The following E2F4 variants were observed in gnomAD, a reference collection of about 807,000 sequenced individuals.
E2F4 encodes E2F transcription factor 4, also known as transcription factor E2F4.
In E2F4, 16 loss-of-function variants were observed where a neutral mutation model predicts 44.5. The observed-to-expected ratio is 0.36, with a 90% CI of 0.24 to 0.55. The LOEUF is 0.55. Among genes scored for constraint, E2F4 ranks in the 20% least tolerant of loss-of-function variants. The probability of loss-of-function intolerance (pLI) is 0.87; values close to 1 mark genes in which losing one functional copy is unlikely to be tolerated. For missense variants in E2F4, 473 were observed against 522.1 expected, an observed-to-expected ratio of 0.91 and a Z score of 0.92; for synonymous variants, 242 against 207.2, an observed-to-expected ratio of 1.17 and a Z score of -1.44.
At chr16:67,194,249 C>G (rs1370178143) in intron 4 of E2F4, 149 bp from the exon 5 acceptor site, 5 of 765,656 alleles carry the variant, frequency 6.5e-6, no homozygotes, top group Non-Finnish European at 1.0e-5. Context: ...AGAGCTTTAG[C>G]TCTGCCTGGC....
At chr16:67,197,727 G>T (rs753575312) in intron 8 of E2F4, 81 bp downstream of exon 8, 6 of 1,601,554 alleles carry the variant, frequency 3.7e-6, no homozygotes, top group Non-Finnish European at 5.1e-6. Flanking sequence ...TTGCCCTTTT[G>T]AGGACCTTGT....
At chr16:67,192,948 G>T in intron 2 of E2F4, 61 bp from the exon 3 acceptor site, 4 of 1,561,784 alleles carry the variant, frequency 2.6e-6, no homozygotes, top group Non-Finnish European at 3.5e-6. Context: ...GCCGAAGAAG[G>T]CAGGGGCCAT....
Position 67,193,534 on chromosome 16 carries a change from G to A in E2F4, c.451+19G>A. ...TTTGCTGGTGAGCAGAGCCTGGGTA[G>A]GGGTAAGGGGGTGGGCTGGGCTCAG... On this transcript the variant is annotated intron_variant, in intron 4 of 9. Coordinates refer to ENST00000379378, the MANE Select transcript of E2F4 (RefSeq NM_001950.4). 1 of 1,614,032 alleles carries A rather than the reference G, an allele frequency of 6.2e-7. No individual in the cohort carries two copies. Among genetic ancestry groups the A allele is most frequent in the East Asian group, 2.2e-5 (1 of 44,884 alleles).
intron 6 of E2F4, 125 bp from the exon 7 acceptor site, chr16:67,195,657 A>G: frequency 1.3e-6 from 2 of 1,516,964 alleles, no homozygotes; most frequent in East Asian, 2.5e-5. Flanking sequence ...GTGACTGGCA[A>G]TGCCTAATTC....
At chr16:67,194,264 A>G (rs867769183) in intron 4 of E2F4, 134 bp from the exon 5 acceptor site, 41 of 895,932 alleles carry the variant, frequency 4.6e-5, no homozygotes, top group Middle Eastern at 2.3e-4. Context: ...CCTGGCCACT[A>G]TGGGGGATGG....
chr16:67,193,021 T>C lies in E2F4; in HGVS notation c.258T>C (p.Pro86=). Residue 86 remains proline, a synonymous_variant, in exon 3 of 10, where the codon CCT becomes CCC. Coordinates refer to ENST00000379378, the MANE Select transcript of E2F4 (RefSeq NM_001950.4). ...KNSIQWKGVG[P]GCNTREIADK... ...TCCCTGGGCTCAGGGGTGTGGGGCCTGGCTGCAATACCCGGGAGATTGCTG... is the reference window on the plus strand; with the variant it reads ...TCCCTGGGCTCAGGGGTGTGGGGCCCGGCTGCAATACCCGGGAGATTGCTG... 6.4e-7 allele frequency: 1 copy of C among 1,571,550 alleles called. No individual in the cohort carries two copies. The highest frequency in any genetic ancestry group is 1.9e-5 in the Admixed American group (1 of 53,308).
intron 6 of E2F4, among the ~76,000 whole-genome samples, chr16:67,195,493 T>C (rs1460682262): frequency 6.6e-6 from 1 of 152,184 alleles, no homozygotes. Context: ...GGTGGCAGTT[T>C]TCTCCCCCAG....
rs980375696 is a variant in E2F4, at chr16:67,198,437, C to T, written c.*314C>T. 2 of 361,864 alleles carry T rather than the reference C, an allele frequency of 5.5e-6. No homozygotes were observed. The highest frequency in any genetic ancestry group is 1.2e-4 in the East Asian group (2 of 16,856). 22.4% of individuals were successfully genotyped at this position (361,864 alleles called of 1,614,324 possible). A position where few individuals can be genotyped will look rare whatever the true frequency, so the allele number is the denominator to read the frequency against. ...AGAACCGAGGAGCTGCCATTACCCC[C>T]CATAGGGGGCAGTGTCTTGTTCCTG... On this transcript the variant is annotated 3_prime_UTR_variant, in exon 10 of 10. Transcript: ENST00000379378.
intron 4 of E2F4, 52 bp from the exon 5 acceptor site, chr16:67,194,346 C>T: frequency 3.1e-6 from 5 of 1,601,488 alleles, no homozygotes; most frequent in South Asian, 2.2e-5. Flanking sequence ...CACCTCTGTT[C>T]CCAGCTCAGA....
rs1441546418 is a variant in E2F4, at chr16:67,192,290, C to T, written c.63C>T (p.Ser21=). ...PPGTPSRHEK[S]LGLLTTKFVS... ...GCACTCCAAGCCGGCACGAAAAGAG[C>T]CTGGGACTGCTCACCACCAAGTTCG... Residue 21 remains serine, a synonymous_variant, in exon 1 of 10, where the codon AGC becomes AGT. Transcript: ENST00000379378. The T allele has an allele frequency of 7.2e-7, 1 of 1,393,124 alleles. No homozygotes were observed. Among genetic ancestry groups the T allele is most frequent in the Non-Finnish European group, 9.3e-7 (1 of 1,070,540 alleles). The allele number at this position is 1,393,124 out of a possible 1,614,324, so 86.3% of individuals were successfully genotyped here. A position where few individuals can be genotyped will look rare whatever the true frequency, so the allele number is the denominator to read the frequency against.
chr16:67,192,721 C>T (rs747069312), intron 1 of E2F4, 40 bp from the exon 2 acceptor site: 99 of 1,566,458 alleles, frequency 6.3e-5, no homozygotes, highest in Non-Finnish European at 8.4e-5. Context: ...TGGGGGTACA[C>T]CCCAGAGTGG....
In E2F4 at chr16:67,198,620, G is replaced by A. The variant is rs77960079; in HGVS notation, c.*497G>A. The A allele has an allele frequency of 4.8e-3, 839 of 175,480 alleles. 2 individuals are homozygous for A. Among genetic ancestry groups the A allele is most frequent in the Middle Eastern group, 8.2e-3 (3 of 364 alleles). 10.9% of individuals were successfully genotyped at this position (175,480 alleles called of 1,614,324 possible). On this transcript the variant is annotated 3_prime_UTR_variant, in exon 10 of 10. Coordinates refer to ENST00000379378, the MANE Select transcript of E2F4 (RefSeq NM_001950.4). ...CCCTCTCACGTGCCCACTTCTGCTG[G>A]GCCTTTAGCCCTAGAACCTGCAGGT...
rs1385568509 is a variant in E2F4 at position 67,195,788 on chromosome 16, G to A, written c.815G>A (p.Gly272Asp). 12 of 1,613,982 alleles carry A rather than the reference G, an allele frequency of 7.4e-6. No homozygotes were observed. The highest frequency in any genetic ancestry group is 1.7e-5 in the Admixed American group (1 of 59,992). The change falls in exon 7 of 10, where the codon GGC becomes GAC. Residue 272 changes from glycine to aspartate, a missense_variant. Gly to Asp is a moderately conservative substitution (Grantham distance 94). Coordinates refer to ENST00000379378, the MANE Select transcript of E2F4 (RefSeq NM_001950.4). ...AGPAAEITVSGGPGTDSKDSG... is the reference protein window; with the variant it reads ...AGPAAEITVSDGPGTDSKDSG... ...TTGGGGGCTATCATTGTAGTGAGTGGCGGCCCTGGGACTGATAGCAAGGAC... is the reference window on the plus strand; with the variant it reads ...TTGGGGGCTATCATTGTAGTGAGTGACGGCCCTGGGACTGATAGCAAGGAC...
Position 67,192,826 on chromosome 16 carries a change from T to C in E2F4, c.201T>C (p.Gly67=), listed in dbSNP as rs146208428. 2.2e-5 allele frequency: 35 copies of C among 1,612,814 alleles called. No homozygotes were observed. The African/African-American group carries it at 3.5e-4, about 16-fold the overall frequency. Reference sequence around the variant, plus strand: ...ACGACATTACCAATGTTTTGGAAGGTATCGGGCTAATCGAGAAAAAGTCCA... The same window carrying C: ...ACGACATTACCAATGTTTTGGAAGGCATCGGGCTAATCGAGAAAAAGTCCA... The part of the protein sequence containing the change: ...RIYDITNVLE[G]IGLIEKKSKN... Residue 67 remains glycine, a synonymous_variant, in exon 2 of 10, where the codon GGT becomes GGC. Transcript: ENST00000379378.
Position 67,193,075 on chromosome 16 carries a change from C to T in E2F4, c.312C>T (p.Ile104=), listed in dbSNP as rs781307077. ...ADKLIELKAE[I]EELQQREQEL... ...AACTGATTGAGCTCAAGGCAGAGAT[C>T]GAGGAGCTGCAGCAGCGGGAGCAAG... The change falls in exon 3 of 10, where the codon ATC becomes ATT. Residue 104 remains isoleucine, a synonymous_variant. Transcript: ENST00000379378. 6 of 1,569,658 alleles carry T rather than the reference C, an allele frequency of 3.8e-6. No homozygotes were observed. In the South Asian group the frequency reaches 7.0e-5, roughly 18 times the overall value.
chr16:67,195,058 G>A (rs1381826171), intron 6 of E2F4, 78 bp downstream of exon 6: 30 of 1,523,738 alleles, frequency 2.0e-5, no homozygotes, highest in Non-Finnish European at 2.7e-5. Context: ...CTCAGAGTTG[G>A]AAGAGACTCT....
chr16:67,195,751 G>T (rs750464005), intron 6 of E2F4, 31 bp from the exon 7 acceptor site: 15 of 1,613,518 alleles, frequency 9.3e-6, no homozygotes, highest in Non-Finnish European at 1.2e-5. Flanking sequence ...TCCTGACCTT[G>T]TATGACTGGG....
At chr16:67,194,216 G>C in intron 4 of E2F4, 182 bp from the exon 5 acceptor site, 1 of 612,808 alleles carries the variant, frequency 1.6e-6, no homozygotes, top group Non-Finnish European at 2.8e-6. Context: ...CCTGGTTACT[G>C]ACCCTGGGCT....
chr16:67,192,981 C>A, intron 2 of E2F4, 28 bp from the exon 3 acceptor site: 1 of 1,561,390 alleles, frequency 6.4e-7, no homozygotes, highest in Non-Finnish European at 8.7e-7. Context: ...TCTCAGCAGT[C>A]CCTCTCAGCC....
Sources: allele counts gnomAD v4.1 joint callset (sites outside exome capture counted in the v4.1 genomes callset), GRCh38; gene constraint gnomAD v4.1.1; transcripts MANE v1.5; gene names NCBI Gene and HGNC (gene_info 2026-07-23, HGNC 2026-07-21).